Variants in ATP9B observed in about 807,000 individuals in gnomAD.
The protein encoded by ATP9B is ATPase phospholipid transporting 9B, also known as probable phospholipid-transporting ATPase IIB.
A neutral mutation model predicts 146.1 loss-of-function variants in ATP9B; 110 were observed. The observed-to-expected ratio is 0.75, with a 90% CI of 0.65 to 0.88. The LOEUF (loss-of-function observed/expected upper bound fraction) is 0.88, where lower values mean the gene tolerates loss of function less well. Ranked by LOEUF, ATP9B falls within the 40% of genes least tolerant of loss-of-function variation. ATP9B has a pLI of 0.00. For synonymous variants in ATP9B, 604 were observed against 569.7 expected, an observed-to-expected ratio of 1.06 and a Z score of -0.86; for missense variants, 1,499 against 1,496.4, an observed-to-expected ratio of 1.00 and a Z score of -0.03.
intron 5 of ATP9B, among the ~76,000 whole-genome samples, chr18:79,130,750 T>C (rs1236217708): frequency 2.0e-5 from 3 of 151,948 alleles, no homozygotes; most frequent in Non-Finnish European, 4.4e-5. Flanking sequence ...CTCCGTAGGA[T>C]TTATCAGAAG....
At chr18:79,219,836 A>T (rs2095661382) in intron 11 of ATP9B, among the ~76,000 whole-genome samples, 1 of 152,190 alleles carries the variant, frequency 6.6e-6, no homozygotes, top group Non-Finnish European at 1.5e-5. Context: ...TCACAACAAC[A>T]CTTTCGGTAG....
At chr18:79,325,341 G>A (rs917206287) in intron 15 of ATP9B, among the ~76,000 whole-genome samples, 3 of 152,036 alleles carry the variant, frequency 2.0e-5, no homozygotes, top group African/African-American at 4.8e-5. Flanking sequence ...TGCAAATGTA[G>A]GATAGTAGTT....
At chr18:79,232,333 G>T (rs2095800454) in intron 11 of ATP9B, among the ~76,000 whole-genome samples, 3 of 152,170 alleles carry the variant, frequency 2.0e-5, no homozygotes, top group Admixed American at 6.5e-5. Context: ...CACCATCAGG[G>T]CTCAGTGTGA....
At chr18:79,101,211 A>G (rs1172416662) in intron 2 of ATP9B, among the ~76,000 whole-genome samples, 1 of 151,824 alleles carries the variant, frequency 6.6e-6, no homozygotes, top group African/African-American at 2.4e-5. Flanking sequence ...CCTGTGCCAC[A>G]GCCACTCCTG....
intron 15 of ATP9B, among the ~76,000 whole-genome samples, chr18:79,321,753 T>C (rs1231940244): frequency 6.6e-6 from 1 of 152,242 alleles, no homozygotes; most frequent in Non-Finnish European, 1.5e-5. Context: ...ATTTTTGTTA[T>C]AAGCTGCTCT....
At chr18:79,376,205 ACACAC>A (rs1568875943) in intron 29 of ATP9B, 44 of 972,424 alleles carry the variant, frequency 4.5e-5, no homozygotes, top group East Asian at 1.2e-4. Context: ...ACACACACAC[ACACAC>A]ACACAAAACA....
intron 9 of ATP9B, among the ~76,000 whole-genome samples, chr18:79,198,116 A>G (rs764469580): frequency 1.1e-4 from 17 of 152,320 alleles, no homozygotes; most frequent in South Asian, 2.1e-4. Flanking sequence ...TATATTCACT[A>G]ATTACAATAT....
chr18:79,327,765 T>TCC (rs2096764055), intron 15 of ATP9B, among the ~76,000 whole-genome samples: 1 of 56,354 alleles, frequency 1.8e-5, no homozygotes, highest in African/African-American at 8.2e-5. Flanking sequence ...GCGTGCTCTC[T>TCC]GTGGTTAACG....
intron 29 of ATP9B, among the ~76,000 whole-genome samples, chr18:79,376,714 G>C (rs1268478661): frequency 1.6e-5 from 1 of 62,176 alleles, no homozygotes; most frequent in African/African-American, 5.3e-5. Flanking sequence ...TTTTTTTTTT[G>C]AGATGGAGTC....
intron 5 of ATP9B, among the ~76,000 whole-genome samples, chr18:79,138,885 C>T (rs1016200330): frequency 6.6e-6 from 1 of 150,896 alleles, no homozygotes; most frequent in African/African-American, 2.4e-5. Flanking sequence ...TCTGGGAACA[C>T]GGTGAAATCT....
intron 11 of ATP9B, among the ~76,000 whole-genome samples, chr18:79,238,476 TGGACTCTGA>T (rs2095862071): frequency 6.6e-6 from 1 of 152,300 alleles, no homozygotes; most frequent in South Asian, 2.1e-4. Context: ...GGGCTGTAGC[TGGACTCTGA>T]GGACCAGGTT....
chr18:79,226,130 T>C (rs2095731806), intron 11 of ATP9B, among the ~76,000 whole-genome samples: 1 of 152,256 alleles, frequency 6.6e-6, no homozygotes, highest in Admixed American at 6.5e-5. Flanking sequence ...CAGTGGCCGC[T>C]CTGCCGCCCT....
chr18:79,275,116 C>T (rs936231638), intron 12 of ATP9B, among the ~76,000 whole-genome samples: 1 of 152,222 alleles, frequency 6.6e-6, no homozygotes, highest in African/African-American at 2.4e-5. Flanking sequence ...TGAAAGAACA[C>T]AGCACATAGA....
rs2075163252 is a variant in ATP9B at position 79,100,262 on chromosome 18, C to T, written c.293+3613C>T. Among the ~76,000 whole-genome samples, 2 of 152,170 alleles carry T rather than the reference C, an allele frequency of 1.3e-5. 1 individual carries two copies. Among genetic ancestry groups the T allele is most frequent in the South Asian group, 4.1e-4 (2 of 4,826 alleles). On this transcript the variant is annotated intron_variant, in intron 2 of 29. Coordinates refer to ENST00000426216, the MANE Select transcript of ATP9B (RefSeq NM_198531.5). The stretch of plus-strand genomic sequence containing the variant: ...TTTTTCAGTTGTTAAGTGCACTGCT[C>T]TGTATGTCAGTGAAGTCATAGTTGT...
intron 9 of ATP9B, among the ~76,000 whole-genome samples, chr18:79,196,919 CCAG>C (rs2148195926): frequency 6.6e-6 from 1 of 152,132 alleles, no homozygotes; most frequent in African/African-American, 2.4e-5. Flanking sequence ...CCTGCAGTTC[CCAG>C]TGGGTCAGGT....
chr18:79,071,098 G>T (rs1165320591), intron 1 of ATP9B, among the ~76,000 whole-genome samples: 2 of 82,274 alleles, frequency 2.4e-5, no homozygotes, highest in Admixed American at 1.3e-4. Flanking sequence ...ACACTTTTTT[G>T]GTATCCCTAT....
chr18:79,076,900 C>T (rs1361743531), intron 1 of ATP9B, among the ~76,000 whole-genome samples: 2 of 147,476 alleles, frequency 1.4e-5, no homozygotes, highest in East Asian at 3.9e-4. Context: ...ATTTTTTCTT[C>T]CTCGTTTTTT....
intron 11 of ATP9B, among the ~76,000 whole-genome samples, chr18:79,231,803 T>TATATATATATATACACACACACAC (rs569726473): frequency 6.1e-5 from 7 of 114,758 alleles, no homozygotes; most frequent in African/African-American, 2.4e-4. Flanking sequence ...TATATATATA[T>TATATATATATATACACACACACAC]ACACACACAC....
At chr18:79,224,077 T>C (rs1397727437) in intron 11 of ATP9B, among the ~76,000 whole-genome samples, 2 of 152,218 alleles carry the variant, frequency 1.3e-5, no homozygotes, top group Non-Finnish European at 2.9e-5. Context: ...GCATATTAAA[T>C]AAGAACTATA....
Sources: allele counts gnomAD v4.1 joint callset (sites outside exome capture counted in the v4.1 genomes callset), GRCh38; gene constraint gnomAD v4.1.1; transcripts MANE v1.5; gene names NCBI Gene and HGNC (gene_info 2026-07-23, HGNC 2026-07-21).